The following KRTAP5-8 variants were observed in gnomAD, a reference collection of about 807,000 sequenced individuals.
KRTAP5-8 encodes the protein keratin associated protein 5-8.
Under a neutral mutation model 2.7 loss-of-function variants are expected in KRTAP5-8, and 2 were observed. The ratio of observed to expected loss-of-function variants is 0.75; its 90% CI spans 0.30 to 2.35. KRTAP5-8 has a LOEUF of 2.35. Ranked by LOEUF, KRTAP5-8 falls within the 30% of genes most tolerant of loss-of-function variation. The probability of loss-of-function intolerance (pLI) is 0.12; values close to 1 mark genes in which losing one functional copy is unlikely to be tolerated. For synonymous variants in KRTAP5-8, 62 were observed against 89.1 expected, an observed-to-expected ratio of 0.70 and a Z score of 1.71; for missense variants, 183 against 227.2, an observed-to-expected ratio of 0.81 and a Z score of 1.25.
chr11:71,538,170 T>G lies in KRTAP5-8; in HGVS notation c.115T>G (p.Cys39Gly). Reference sequence around the variant, plus strand: ...GCCCATCTGCTGCTGCAAGCCCGTGTGCTGCTGTGTGCCAGCCTGTTCCTG... The same window carrying G: ...GCCCATCTGCTGCTGCAAGCCCGTGGGCTGCTGTGTGCCAGCCTGTTCCTG... ...CVPICCCKPV[C>G]CCVPACSCSS... Residue 39 changes from cysteine to glycine, a missense_variant, in exon 1 of 1, where the codon TGC becomes GGC. By Grantham distance (159) the Cys-to-Gly change is radical. This residue lies in a region of KRTAP5-8 where 113 missense variants were observed against 109.3 expected (regional missense o/e 1.03). Coordinates refer to ENST00000398534, the MANE Select transcript of KRTAP5-8 (RefSeq NM_021046.3). 1 of 1,612,392 alleles carries G rather than the reference T, an allele frequency of 6.2e-7. No individual in the cohort carries two copies. The highest frequency in any genetic ancestry group is 1.1e-5 in the South Asian group (1 of 90,974).
Position 71,538,279 on chromosome 11 carries a change from G to T in KRTAP5-8, c.224G>T (p.Gly75Val). Residue 75 changes from glycine (G) to valine (V), a missense_variant, in exon 1 of 1, where the codon GGC (glycine) becomes GTC (valine). By Grantham distance (109) the Gly-to-Val change is moderately radical. This residue lies in a region of KRTAP5-8 where 113 missense variants were observed against 109.3 expected (regional missense o/e 1.03). Transcript: ENST00000398534. ...AAGGGGGACTGTGGCTCCTGTGGGG[G>T]CTCCAAGGGAGGCTGTGGTTCTTGT... Reference protein sequence around the residue: ...GSKGDCGSCGGSKGGCGSCGC... With the variant: ...GSKGDCGSCGVSKGGCGSCGC... The T allele has an allele frequency of 1.2e-6, 2 of 1,613,802 alleles. No homozygotes were observed. Among genetic ancestry groups the T allele is most frequent in the Non-Finnish European group, 1.7e-6 (2 of 1,179,986 alleles).
rs1208278463 is a variant in KRTAP5-8 at position 71,538,131 on chromosome 11, T to A, written c.76T>A (p.Ser26Thr). ...CGGCTCTGGCTGTGGGGGATGTGGC[T>A]CTAGCTGCTGTGTGCCCATCTGCTG... is the stretch of plus-strand genomic sequence containing the variant. ...GCGSGCGGCG[S>T]SCCVPICCCK... The change falls in exon 1 of 1, where the codon TCT becomes ACT. Residue 26 changes from serine to threonine, a missense_variant. Ser to Thr is a moderately conservative substitution (Grantham distance 58). Transcript: ENST00000398534. The A allele has an allele frequency of 9.3e-6, 15 of 1,611,610 alleles. No homozygotes were observed. The South Asian group carries it at 1.6e-4, about 18-fold the overall frequency.
At position 71,538,653 on chromosome 11, in the gene KRTAP5-8, A is replaced by T. The variant is rs750447332; in HGVS notation, c.*34A>T. 1 of 1,614,216 alleles carries T rather than the reference A, an allele frequency of 6.2e-7. No individual in the cohort carries two copies. Among genetic ancestry groups the T allele is most frequent in the Non-Finnish European group, 8.5e-7 (1 of 1,180,036 alleles). ...CTACAAATCTCAGCTGGTCCCACAGATCTGGGCTCTCCAGGAATGACTGTA... is the reference window on the plus strand; with the variant it reads ...CTACAAATCTCAGCTGGTCCCACAGTTCTGGGCTCTCCAGGAATGACTGTA... On this transcript the variant is annotated 3_prime_UTR_variant, in exon 1 of 1. Coordinates refer to ENST00000398534, the MANE Select transcript of KRTAP5-8 (RefSeq NM_021046.3).
At position 71,538,329 on chromosome 11, in the gene KRTAP5-8, A is replaced by G. The variant is rs1478557891; in HGVS notation, c.274A>G (p.Lys92Glu). The change falls in exon 1 of 1, where the codon AAG becomes GAG. Residue 92 changes from lysine to glutamate, a missense_variant. Lys to Glu is a moderately conservative substitution (Grantham distance 56). Coordinates refer to ENST00000398534, the MANE Select transcript of KRTAP5-8 (RefSeq NM_021046.3). ...SCGCSQCSCY[K>E]PCCCSSGCGS... is the part of the protein sequence containing the mutation. ...TGGCTGCTCCCAGTGCAGCTGCTAT[A>G]AGCCCTGCTGTTGCTCCTCAGGCTG... 5 of 1,610,526 alleles carry G rather than the reference A, an allele frequency of 3.1e-6. No individual in the cohort carries two copies. Among genetic ancestry groups the G allele is most frequent in the Non-Finnish European group, 2.5e-6 (3 of 1,178,272 alleles).
chr11:71,538,388 A>C lies in KRTAP5-8; in HGVS notation c.333A>C (p.Lys111Asn). The C allele has an allele frequency of 6.4e-7, 1 of 1,561,326 alleles. No individual in the cohort carries two copies. Among genetic ancestry groups the C allele is most frequent in the South Asian group, 1.1e-5 (1 of 88,998 alleles). Residue 111 changes from lysine (K) to asparagine (N), a missense_variant, in exon 1 of 1, where the codon AAA (lysine) becomes AAC (asparagine). Physicochemically the swap from Lys to Asn is moderately conservative, Grantham distance 94 (BLOSUM62 0). Transcript: ENST00000398534. ...GSSCCQSSCC[K>N]PCCSQSSCCK... Reference sequence around the variant, plus strand: ...CCTGCTGCCAGTCCAGCTGCTGCAAACCCTGCTGTTCCCAGTCCAGCTGTT... The same window carrying C: ...CCTGCTGCCAGTCCAGCTGCTGCAACCCCTGCTGTTCCCAGTCCAGCTGTT...
rs761839979 is a variant in KRTAP5-8 at position 71,538,267 on chromosome 11, G to A, written c.212G>A (p.Gly71Asp). The A allele has an allele frequency of 3.7e-6, 6 of 1,613,648 alleles. No homozygotes were observed. The highest frequency in any genetic ancestry group is 3.3e-5 in the Admixed American group (2 of 60,012). ...TGTGGGGGCTCCAAGGGGGACTGTG[G>A]CTCCTGTGGGGGCTCCAAGGGAGGC... is the stretch of plus-strand genomic sequence containing the variant. ...GSCGGSKGDC[G>D]SCGGSKGGCG... The change falls in exon 1 of 1, where the codon GGC becomes GAC. Residue 71 changes from glycine to aspartate, a missense_variant. Physicochemically the swap from Gly to Asp is moderately conservative, Grantham distance 94 (BLOSUM62 -1). Coordinates refer to ENST00000398534, the MANE Select transcript of KRTAP5-8 (RefSeq NM_021046.3).
In KRTAP5-8 at chr11:71,538,066, G is replaced by T. The variant is rs777743451; in HGVS notation, c.11G>T (p.Cys4Phe). Residue 4 changes from cysteine (C) to phenylalanine (F), a missense_variant, in exon 1 of 1, where the codon TGT (cysteine) becomes TTT (phenylalanine). Physicochemically the swap from Cys to Phe is radical, Grantham distance 205 (BLOSUM62 -2). Around this residue, in one of 2 missense-constraint regions of KRTAP5-8, gnomAD observed 113 missense variants for 109.3 expected, o/e 1.03. Transcript: ENST00000398534. MGCCGCSGGCGSGC... is the reference protein window; with the variant it reads MGCFGCSGGCGSGC... ...CAACCCACCAGAACCATGGGCTGCT[G>T]TGGCTGCTCTGGAGGCTGTGGCTCC... The T allele has an allele frequency of 9.3e-6, 15 of 1,612,526 alleles. No homozygotes were observed. In the East Asian group the frequency reaches 3.1e-4, roughly 34 times the overall value.
chr11:71,538,870 A>T lies in KRTAP5-8; in HGVS notation c.*251A>T, dbSNP rs1234024060. 4 of 735,206 alleles carry T rather than the reference A, an allele frequency of 5.4e-6. No homozygotes were observed. The highest frequency in any genetic ancestry group is 5.5e-5 in the East Asian group (2 of 36,370). 45.5% of individuals were successfully genotyped at this position (735,206 alleles called of 1,614,324 possible). ...CTGACCTCATCACTTCAACCTTCTC[A>T]GGGCTTCAAGATCCCACATCCCTGG... On this transcript the variant is annotated 3_prime_UTR_variant, in exon 1 of 1. Coordinates refer to ENST00000398534, the MANE Select transcript of KRTAP5-8 (RefSeq NM_021046.3).
chr11:71,538,720 T>G lies in KRTAP5-8; in HGVS notation c.*101T>G. 1 of 1,599,958 alleles carries G rather than the reference T, an allele frequency of 6.3e-7. No homozygotes were observed. The highest frequency in any genetic ancestry group is 8.5e-7 in the Non-Finnish European group (1 of 1,172,132). ...CTGAAGCACATCTCTGAGTCTGTCC[T>G]CCTCTGGACTAAGGCAGCCTAGCGT... On this transcript the variant is annotated 3_prime_UTR_variant, in exon 1 of 1. Coordinates refer to ENST00000398534, the MANE Select transcript of KRTAP5-8 (RefSeq NM_021046.3).
rs1307368542 is a variant in KRTAP5-8, at chr11:71,538,291, G to T, written c.236G>T (p.Gly79Val). ...DCGSCGGSKG[G>V]CGSCGCSQCS... Reference sequence around the variant, plus strand: ...GGCTCCTGTGGGGGCTCCAAGGGAGGCTGTGGTTCTTGTGGCTGCTCCCAG... The same window carrying T: ...GGCTCCTGTGGGGGCTCCAAGGGAGTCTGTGGTTCTTGTGGCTGCTCCCAG... The change falls in exon 1 of 1, where the codon GGC becomes GTC. Residue 79 changes from glycine to valine, a missense_variant. Transcript: ENST00000398534. 6.2e-7 allele frequency: 1 copy of T among 1,613,990 alleles called. No homozygotes were observed. Among genetic ancestry groups the T allele is most frequent in the Non-Finnish European group, 8.5e-7 (1 of 1,180,006 alleles).
Position 71,538,431 on chromosome 11 carries a change from T to C in KRTAP5-8, c.376T>C (p.Ser126Pro). ...CAGCTGTTGTAAGCCCTGCAGCTGC[T>C]CTTCAGGCTGTGGGTCATCCTGCTG... ...QSSCCKPCSC[S>P]SGCGSSCCQS... The change falls in exon 1 of 1, where the codon TCT becomes CCT. Residue 126 changes from serine (S) to proline (P), a missense_variant. Coordinates refer to ENST00000398534, the MANE Select transcript of KRTAP5-8 (RefSeq NM_021046.3). 6.2e-7 allele frequency: 1 copy of C among 1,610,778 alleles called. No individual in the cohort carries two copies.
chr11:71,538,834 C>T lies in KRTAP5-8; in HGVS notation c.*215C>T. 1.0e-6 allele frequency: 1 copy of T among 960,570 alleles called. No homozygotes were observed. Among genetic ancestry groups the T allele is most frequent in the Non-Finnish European group, 1.5e-6 (1 of 647,070 alleles). The allele number at this position is 960,570 out of a possible 1,614,324, so 59.5% of individuals were successfully genotyped here. On this transcript the variant is annotated 3_prime_UTR_variant, in exon 1 of 1. Transcript: ENST00000398534. ...TGCCCATCAACCCTCCCAGAATCCC[C>T]TCTTCCTTTCCTGACCTCATCACTT...
rs1565619762 is a variant in KRTAP5-8 at position 71,538,647 on chromosome 11, C to CCACAGAT, written c.*30_*36dup. The CCACAGAT allele has an allele frequency of 1.1e-5, 17 of 1,612,232 alleles. No individual in the cohort carries two copies. Among genetic ancestry groups the CCACAGAT allele is most frequent in the Non-Finnish European group, 1.4e-5 (17 of 1,179,380 alleles). On this transcript the variant is annotated 3_prime_UTR_variant, in exon 1 of 1. Coordinates refer to ENST00000398534, the MANE Select transcript of KRTAP5-8 (RefSeq NM_021046.3). ...CTCTGCCTACAAATCTCAGCTGGTC[C>CCACAGAT]CACAGATCTGGGCTCTCCAGGAATG...
Position 71,539,042 on chromosome 11 carries a change from T to A in KRTAP5-8, c.*423T>A. 3.1e-6 allele frequency: 1 copy of A among 320,390 alleles called. No individual in the cohort carries two copies. Among genetic ancestry groups the A allele is most frequent in the Non-Finnish European group, 6.2e-6 (1 of 161,730 alleles). 19.8% of individuals were successfully genotyped at this position (320,390 alleles called of 1,614,324 possible). On this transcript the variant is annotated 3_prime_UTR_variant, in exon 1 of 1. Coordinates refer to ENST00000398534, the MANE Select transcript of KRTAP5-8 (RefSeq NM_021046.3). ...GCCACAGCTCCGATTGTTTTTGGAG[T>A]TGACCTAGAGGACTCAGAATTATTA... is the stretch of plus-strand genomic sequence containing the variant.
chr11:71,538,128 G>C lies in KRTAP5-8; in HGVS notation c.73G>C (p.Gly25Arg). 1.2e-6 allele frequency: 2 copies of C among 1,611,634 alleles called. No individual in the cohort carries two copies. Among genetic ancestry groups the C allele is most frequent in the Non-Finnish European group, 1.7e-6 (2 of 1,179,352 alleles). Residue 25 changes from glycine to arginine, a missense_variant, in exon 1 of 1, where the codon GGC (glycine) becomes CGC (arginine). By Grantham distance (125) the Gly-to-Arg change is moderately radical. Around this residue, in one of 2 missense-constraint regions of KRTAP5-8, gnomAD observed 113 missense variants for 109.3 expected, o/e 1.03. Coordinates refer to ENST00000398534, the MANE Select transcript of KRTAP5-8 (RefSeq NM_021046.3). The part of the protein sequence containing the change: ...GGCGSGCGGC[G>R]SSCCVPICCC... ...CTGCGGCTCTGGCTGTGGGGGATGTGGCTCTAGCTGCTGTGTGCCCATCTG... is the reference window on the plus strand; with the variant it reads ...CTGCGGCTCTGGCTGTGGGGGATGTCGCTCTAGCTGCTGTGTGCCCATCTG...
chr11:71,538,213 G>A lies in KRTAP5-8; in HGVS notation c.158G>A (p.Cys53Tyr), dbSNP rs755247699. 4 of 1,613,006 alleles carry A rather than the reference G, an allele frequency of 2.5e-6. No homozygotes were observed. The highest frequency in any genetic ancestry group is 3.4e-6 in the Non-Finnish European group (4 of 1,179,882). ...TGTTCCTGCTCCAGCTGTGGCTCCT[G>A]TGGGGGCTCCAAGGGGGGCCGTGGC... is the stretch of plus-strand genomic sequence containing the variant. ...PACSCSSCGS[C>Y]GGSKGGRGSC... The change falls in exon 1 of 1, where the codon TGT (cysteine) becomes TAT (tyrosine). Residue 53 changes from cysteine to tyrosine, a missense_variant. Physicochemically the swap from Cys to Tyr is radical, Grantham distance 194. Transcript: ENST00000398534.
Position 71,538,253 on chromosome 11 carries a change from C to T in KRTAP5-8, c.198C>T (p.Ser66=), listed in dbSNP as rs762540041. ...GGGGCCGTGGCTCCTGTGGGGGCTC[C>T]AAGGGGGACTGTGGCTCCTGTGGGG... is the stretch of plus-strand genomic sequence containing the variant. ...SKGGRGSCGG[S]KGDCGSCGGS... The change falls in exon 1 of 1, where the codon TCC becomes TCT. Residue 66 remains serine, a synonymous_variant. Coordinates refer to ENST00000398534, the MANE Select transcript of KRTAP5-8 (RefSeq NM_021046.3). The T allele has an allele frequency of 1.9e-6, 3 of 1,612,998 alleles. No individual in the cohort carries two copies. The African/African-American group carries it at 4.0e-5, about 22-fold the overall frequency.
chr11:71,538,122 G>T lies in KRTAP5-8; in HGVS notation c.67G>T (p.Gly23Ter), dbSNP rs758433375. Residue 23 changes from glycine to a stop codon, truncating the protein, a stop_gained, in exon 1 of 1, where the codon GGA becomes TGA. Coordinates refer to ENST00000398534, the MANE Select transcript of KRTAP5-8 (RefSeq NM_021046.3). LOFTEE classifies it low-confidence loss of function (END_TRUNC). ...GCGGCGSGCGGCGSSCCVPIC... is the reference protein window; with the variant it reads ...GCGGCGSGCG ...TGGGGGCTGCGGCTCTGGCTGTGGG[G>T]GATGTGGCTCTAGCTGCTGTGTGCC... 2 of 1,611,414 alleles carry T rather than the reference G, an allele frequency of 1.2e-6. No homozygotes were observed. Among genetic ancestry groups the T allele is most frequent in the Non-Finnish European group, 1.7e-6 (2 of 1,179,250 alleles).
chr11:71,538,273 G>C lies in KRTAP5-8; in HGVS notation c.218G>C (p.Cys73Ser), dbSNP rs1950058423. 4.3e-6 allele frequency: 7 copies of C among 1,613,730 alleles called. No homozygotes were observed. The highest frequency in any genetic ancestry group is 5.9e-6 in the Non-Finnish European group (7 of 1,179,986). The change falls in exon 1 of 1, where the codon TGT (cysteine) becomes TCT (serine). Residue 73 changes from cysteine (C) to serine (S), a missense_variant. Cys to Ser is a moderately radical substitution (Grantham distance 112). Transcript: ENST00000398534. ...GGCTCCAAGGGGGACTGTGGCTCCT[G>C]TGGGGGCTCCAAGGGAGGCTGTGGT... is the stretch of plus-strand genomic sequence containing the variant. ...CGGSKGDCGSCGGSKGGCGSC... is the reference protein window; with the variant it reads ...CGGSKGDCGSSGGSKGGCGSC...
Sources: allele counts gnomAD v4.1 joint callset, GRCh38; gene constraint gnomAD v4.1.1; regional missense constraint gnomAD v4.1.1; transcripts MANE v1.5; gene names NCBI Gene and HGNC (gene_info 2026-07-23, HGNC 2026-07-21).